Variants in RAB3B observed in about 807,000 individuals in gnomAD.
RAB3B encodes the protein ras-related protein Rab-3B.
RAB3B carries 11 observed loss-of-function variants against 20.5 expected under a neutral mutation model. That is an observed-to-expected ratio of 0.54 (90% CI 0.34 to 0.89). RAB3B has a LOEUF of 0.89. RAB3B is among the 40% of genes least tolerant of loss of function. RAB3B has a pLI of 0.02. For synonymous variants in RAB3B, 99 were observed against 106.3 expected (o/e 0.93, Z 0.42); for missense variants, 225 against 280.9 (o/e 0.80, Z 1.42).
chr1:51,970,680 C>T (rs1382082440), intron 2 of RAB3B, among the ~76,000 whole-genome samples: 4 of 152,032 alleles, frequency 2.6e-5, no homozygotes, highest in Admixed American at 6.6e-5. Flanking sequence ...AATGCTGTTC[C>T]TACACTGGAA....
At chr1:51,962,881 G>A (rs777479461) in intron 2 of RAB3B, among the ~76,000 whole-genome samples, 2 of 152,018 alleles carry the variant, frequency 1.3e-5, no homozygotes, top group African/African-American at 2.4e-5. Flanking sequence ...AGGTGGGATA[G>A]ATGTTGTTGC....
intron 4 of RAB3B, among the ~76,000 whole-genome samples, chr1:51,925,991 A>G (rs913404528): frequency 6.6e-6 from 1 of 152,196 alleles, no homozygotes; most frequent in African/African-American, 2.4e-5. Context: ...AGGCAGGGGG[A>G]AAATACCTGG....
chr1:51,967,808 G>A lies in RAB3B; in HGVS notation c.228+9082C>T, dbSNP rs1190895004. ...TAGGATTATAGGCATGAGCCACCAC[G>A]CCCAACCAGGTCTTTTATATGTTAC... On this transcript the variant is annotated intron_variant, in intron 2 of 4. Transcript: ENST00000371655. Among the ~76,000 whole-genome samples the A allele has an allele frequency of 4.6e-5, 7 of 151,854 alleles. No individual in the cohort carries two copies. The South Asian group carries it at 1.2e-3, about 27-fold the overall frequency.
intron 2 of RAB3B, among the ~76,000 whole-genome samples, chr1:51,939,776 T>C (rs900945095): frequency 6.6e-5 from 10 of 152,160 alleles, no homozygotes; most frequent in Admixed American, 5.2e-4. Context: ...GGTCTTACTA[T>C]GTAGCCATGG....
At chr1:51,940,016 T>C (rs1935288) in intron 2 of RAB3B, among the ~76,000 whole-genome samples, 35,584 of 152,200 alleles carry the variant, frequency 0.23, 4,675 homozygotes, top group Non-Finnish European at 0.29. Flanking sequence ...AATTTCAGTA[T>C]GCCACTATTT....
intron 2 of RAB3B, among the ~76,000 whole-genome samples, chr1:51,941,346 G>A (rs778117898): frequency 3.1e-4 from 47 of 152,098 alleles, no homozygotes; most frequent in Non-Finnish European, 5.4e-4. Flanking sequence ...AGGGATTAAC[G>A]TAATTAGATC....
At position 51,931,199 on chromosome 1, in the gene RAB3B, C is replaced by A. The variant is rs916283773; in HGVS notation, c.472+2119G>T. ...CATCCAGTGATTTATGGTTCCCTGACCCACAAGGCAGCTCCTTGCCTCTGC... is the reference window on the plus strand; with the variant it reads ...CATCCAGTGATTTATGGTTCCCTGAACCACAAGGCAGCTCCTTGCCTCTGC... On this transcript the variant is annotated intron_variant, in intron 4 of 4. Transcript: ENST00000371655. Among the ~76,000 whole-genome samples the A allele has an allele frequency of 3.9e-5, 6 of 152,304 alleles. No homozygotes were observed. The East Asian group carries it at 5.8e-4, about 15-fold the overall frequency.
chr1:51,930,991 T>G (rs1411585217), intron 4 of RAB3B, among the ~76,000 whole-genome samples: 1 of 151,920 alleles, frequency 6.6e-6, no homozygotes, highest in Non-Finnish European at 1.5e-5. Context: ...CACTCCAGCC[T>G]GGGTGACAAG....
intron 3 of RAB3B, 34 bp from the exon 4 acceptor site, chr1:51,933,476 A>G (rs1684355516): frequency 6.3e-7 from 1 of 1,590,462 alleles, no homozygotes; most frequent in Admixed American, 1.7e-5. Context: ...TGTTAATCAT[A>G]TTCCTATAGA....
At chr1:51,952,200 A>G (rs1013508636) in intron 2 of RAB3B, among the ~76,000 whole-genome samples, 5 of 152,196 alleles carry the variant, frequency 3.3e-5, no homozygotes, top group African/African-American at 1.2e-4. Context: ...GTCTAGTGGG[A>G]AAGTTAGACA....
chr1:51,931,291 C>G (rs1286406760), intron 4 of RAB3B, among the ~76,000 whole-genome samples: 1 of 152,108 alleles, frequency 6.6e-6, no homozygotes, highest in Non-Finnish European at 1.5e-5. Flanking sequence ...TACTTATCTT[C>G]AAGACTCCAC....
At chr1:51,983,106 C>A in intron 1 of RAB3B, among the ~76,000 whole-genome samples, 1 of 151,912 alleles carries the variant, frequency 6.6e-6, no homozygotes, top group East Asian at 1.9e-4. Context: ...GTAATCCCAG[C>A]ACTTTGGGAG....
chr1:51,945,913 A>C (rs1418579512), intron 2 of RAB3B, among the ~76,000 whole-genome samples: 1 of 152,214 alleles, frequency 6.6e-6, no homozygotes, highest in African/African-American at 2.4e-5. Flanking sequence ...TGGTTATTTT[A>C]TCTCTCTGAG....
chr1:51,921,416 G>GT (rs1684170389), intron 4 of RAB3B, among the ~76,000 whole-genome samples: 1 of 152,188 alleles, frequency 6.6e-6, no homozygotes, highest in African/African-American at 2.4e-5. Flanking sequence ...ACAAAGTCAT[G>GT]TGGCTGTATT....
chr1:51,967,510 C>CTT (rs1466114151), intron 2 of RAB3B, among the ~76,000 whole-genome samples: 1 of 28,208 alleles, frequency 3.5e-5, no homozygotes, highest in Non-Finnish European at 1.1e-4. Context: ...TTTTTCTTTT[C>CTT]TTTTCTTTTT....
At chr1:51,928,891 T>C (rs1010653000) in intron 4 of RAB3B, among the ~76,000 whole-genome samples, 3 of 152,210 alleles carry the variant, frequency 2.0e-5, no homozygotes, top group Non-Finnish European at 4.4e-5. Flanking sequence ...TCACCTTAAG[T>C]GTTACTTTCT....
At chr1:51,926,820 T>C (rs552496405) in intron 4 of RAB3B, among the ~76,000 whole-genome samples, 2 of 152,102 alleles carry the variant, frequency 1.3e-5, no homozygotes, top group East Asian at 3.9e-4. Context: ...AATCTTAGAG[T>C]GGGAAAATAA....
intron 2 of RAB3B, among the ~76,000 whole-genome samples, chr1:51,946,408 C>T (rs931012953): frequency 1.3e-5 from 2 of 152,064 alleles, no homozygotes; most frequent in African/African-American, 4.8e-5. Context: ...TGATGAGAGT[C>T]AGAAATAGAA....
intron 4 of RAB3B, among the ~76,000 whole-genome samples, chr1:51,926,728 G>A (rs372036318): frequency 4.6e-5 from 7 of 152,182 alleles, no homozygotes; most frequent in African/African-American, 1.7e-4. Flanking sequence ...GATGATATGA[G>A]AACATTAGGA....
Sources: allele counts gnomAD v4.1 joint callset (sites outside exome capture counted in the v4.1 genomes callset), GRCh38; gene constraint gnomAD v4.1.1; transcripts MANE v1.5; gene names NCBI Gene and HGNC (gene_info 2026-07-23, HGNC 2026-07-21).